The following CYP11A1 variants were observed in gnomAD, a reference collection of about 807,000 sequenced individuals.
CYP11A1 encodes cytochrome P450 family 11 subfamily A member 1.
In CYP11A1, 25 loss-of-function variants were observed where a neutral mutation model predicts 51.9. The ratio of observed to expected loss-of-function variants is 0.48; its 90% CI spans 0.35 to 0.67. The LOEUF (loss-of-function observed/expected upper bound fraction) is 0.67, where lower values mean the gene tolerates loss of function less well. Among genes scored for constraint, CYP11A1 ranks in the 30% least tolerant of loss-of-function variants. The probability of loss-of-function intolerance (pLI) is 0.00; values close to 1 mark genes in which losing one functional copy is unlikely to be tolerated. For synonymous variants in CYP11A1, 245 were observed against 262.1 expected, an observed-to-expected ratio of 0.93 and a Z score of 0.63; for missense variants, 578 against 680.9, an observed-to-expected ratio of 0.85 and a Z score of 1.68.
chr15:74,354,279 T>C (rs1306317330), intron 1 of CYP11A1, among the ~76,000 whole-genome samples: 1 of 152,160 alleles, frequency 6.6e-6, no homozygotes, highest in Non-Finnish European at 1.5e-5. Flanking sequence ...TAACATTACC[T>C]TGTGAAATTC....
chr15:74,337,929 C>A lies in CYP11A1; in HGVS notation c.*43G>T. 1 of 1,612,540 alleles carries A rather than the reference C, an allele frequency of 6.2e-7. No individual in the cohort carries two copies. Among genetic ancestry groups the A allele is most frequent in the Non-Finnish European group, 8.5e-7 (1 of 1,179,836 alleles). On this transcript the variant is annotated 3_prime_UTR_variant, in exon 9 of 9. Transcript: ENST00000268053. ...GATGCAGAGACCCCATGGGCCCCACCCCTGGGCCTTCCTCCCATGTGGCTG... is the reference window on the plus strand; with the variant it reads ...GATGCAGAGACCCCATGGGCCCCACACCTGGGCCTTCCTCCCATGTGGCTG...
At chr15:74,338,549 A>T (rs1281351796) in intron 8 of CYP11A1, 22 bp downstream of exon 8, 1 of 1,613,270 alleles carries the variant, frequency 6.2e-7, no homozygotes, top group Non-Finnish European at 8.5e-7. Context: ...CAGGGTGCCT[A>T]GATGTCCCCA....
intron 1 of CYP11A1, chr15:74,367,032 C>T (rs1292703958): frequency 2.1e-6 from 1 of 476,478 alleles, no homozygotes; most frequent in African/African-American, 2.0e-5. Context: ...GGGGTTTGGA[C>T]CCATTAAAGA....
chr15:74,367,561 G>A lies in CYP11A1; in HGVS notation c.25C>T (p.Arg9Cys), dbSNP rs573648284. The change falls in exon 1 of 9, where the codon CGC (arginine) becomes TGC (cysteine). Residue 9 changes from arginine (R) to cysteine (C), a missense_variant. Physicochemically the swap from Arg to Cys is radical, Grantham distance 180. Transcript: ENST00000268053. MLAKGLPPRSVLVKGCQTF... is the reference protein window; with the variant it reads MLAKGLPPCSVLVKGCQTF... ...TGGCAGCCTTTGACCAGGACTGAGC[G>A]TGGGGGAAGACCCTTGGCCAGCATG... The A allele has an allele frequency of 4.5e-5, 72 of 1,613,956 alleles. No homozygotes were observed. Among genetic ancestry groups the A allele is most frequent in the Non-Finnish European group, 5.0e-5 (59 of 1,180,016 alleles).
chr15:74,365,711 G>A, intron 1 of CYP11A1: 1 of 985,516 alleles, frequency 1.0e-6, no homozygotes, highest in Non-Finnish European at 1.2e-6. Flanking sequence ...CCGCGCGGAC[G>A]TCACCTTAGC....
At chr15:74,352,061 T>G (rs1449982768) in intron 1 of CYP11A1, among the ~76,000 whole-genome samples, 1 of 152,232 alleles carries the variant, frequency 6.6e-6, no homozygotes, top group Admixed American at 6.5e-5. Context: ...CATTGTTATA[T>G]GTTGTGTCTA....
chr15:74,347,211 C>T (rs2060636654), intron 2 of CYP11A1, among the ~76,000 whole-genome samples: 1 of 151,994 alleles, frequency 6.6e-6, no homozygotes, highest in African/African-American at 2.4e-5. Flanking sequence ...GGGTTTGAGA[C>T]CAGCCTGGGC....
At position 74,367,178 on chromosome 15, in the gene CYP11A1, C is replaced by CAAAA. The variant is rs11350546; in HGVS notation, c.269+135_269+138dup. On this transcript the variant is annotated intron_variant, in intron 1 of 8. Coordinates refer to ENST00000268053, the MANE Select transcript of CYP11A1 (RefSeq NM_000781.3). ...CTGATATATTTCTGTATTGTATTACCAAAAAAAAAAAAAAAAAAGAAGTTA... is the reference window on the plus strand; with the variant it reads ...CTGATATATTTCTGTATTGTATTACCAAAAAAAAAAAAAAAAAAAAAAGAAGTTA... 15 of 693,810 alleles carry CAAAA rather than the reference C, an allele frequency of 2.2e-5. No homozygotes were observed. In the African/African-American group the frequency reaches 2.5e-4, roughly 12 times the overall value. The allele number at this position is 693,810 out of a possible 1,614,324, so 43.0% of individuals were successfully genotyped here. A position where few individuals can be genotyped will look rare whatever the true frequency, so the allele number is the denominator to read the frequency against.
At chr15:74,349,472 C>G (rs982486670) in intron 1 of CYP11A1, among the ~76,000 whole-genome samples, 4 of 152,252 alleles carry the variant, frequency 2.6e-5, no homozygotes, top group Non-Finnish European at 5.9e-5. Context: ...GAGTTTCAGG[C>G]CTTCACTTGT....
chr15:74,366,449 A>T (rs1040924438), intron 1 of CYP11A1, among the ~76,000 whole-genome samples: 1 of 111,674 alleles, frequency 9.0e-6, no homozygotes, highest in Non-Finnish European at 1.8e-5. Context: ...ATGCCCGGCT[A>T]ATTTTTTTTA....
At chr15:74,344,090 A>T (rs1389458013) in intron 3 of CYP11A1, 98 bp from the exon 4 acceptor site, 1 of 979,252 alleles carries the variant, frequency 1.0e-6, no homozygotes, top group African/African-American at 1.6e-5. Context: ...CCTCAGCACA[A>T]AGGATCTCTT....
intron 1 of CYP11A1, 159 bp downstream of exon 1, chr15:74,367,158 A>T: frequency 1.4e-6 from 1 of 703,518 alleles, no homozygotes; most frequent in Non-Finnish European, 2.4e-6. Flanking sequence ...TATCCCTGAT[A>T]TATTTCTGTA....
At chr15:74,363,064 C>A (rs1171958356) in intron 1 of CYP11A1, 2 of 152,210 alleles carry the variant, frequency 1.3e-5, no homozygotes, top group Admixed American at 1.3e-4. Context: ...AGAAATGTAT[C>A]CCTCATGATA....
intron 1 of CYP11A1, chr15:74,367,073 A>G: frequency 1.8e-6 from 1 of 564,034 alleles, no homozygotes; most frequent in Non-Finnish European, 3.1e-6. Context: ...CGGTCTTGCC[A>G]CCAATTGTTT....
chr15:74,366,183 G>C (rs902112920), intron 1 of CYP11A1: 1 of 985,418 alleles, frequency 1.0e-6, no homozygotes, highest in Non-Finnish European at 1.2e-6. Flanking sequence ...GGCGGCGTGC[G>C]CTGGGAGGAA....
rs185266983 is a variant in CYP11A1 at position 74,357,793 on chromosome 15, G to A, written c.269+9524C>T. On this transcript the variant is annotated intron_variant, in intron 1 of 8. Transcript: ENST00000268053. ...GCCCTCATGTCTGTGTACGGCAGCT[G>A]TCGCTGCTTTAATACTTTTAGAGGC... Among the ~76,000 whole-genome samples the A allele has an allele frequency of 1.1e-3, 160 of 152,330 alleles. 5 individuals carry two copies. Among genetic ancestry groups the A allele is most frequent in the East Asian group, 2.9e-3 (15 of 5,186 alleles).
At chr15:74,365,778 G>A (rs2060729501) in intron 1 of CYP11A1, 1 of 985,462 alleles carries the variant, frequency 1.0e-6, no homozygotes, top group South Asian at 4.7e-5. Context: ...AGCGAGCGAG[G>A]GCAGAGGCCA....
intron 1 of CYP11A1, among the ~76,000 whole-genome samples, chr15:74,351,474 G>A (rs973993534): frequency 2.9e-4 from 44 of 152,124 alleles, no homozygotes; most frequent in Non-Finnish European, 1.2e-4. Context: ...AAAAGCCCAC[G>A]CAGCATCCAG....
intron 1 of CYP11A1, chr15:74,365,720 G>C: frequency 6.1e-6 from 6 of 985,548 alleles, no homozygotes; most frequent in Non-Finnish European, 4.8e-6. Context: ...CGTCACCTTA[G>C]CGCGCCACTG....
Sources: gnomAD v4.1 joint callset for allele counts (sites outside exome capture counted in the v4.1 genomes callset) on GRCh38, gnomAD v4.1.1 for gene constraint, MANE v1.5 for transcripts, NCBI Gene and HGNC (gene_info 2026-07-23, HGNC 2026-07-21) for gene names.